KCNAB1: variants seen among roughly 807,000 people sequenced by gnomAD.
The protein encoded by KCNAB1 is potassium voltage-gated channel subfamily A regulatory beta subunit 1.
A neutral mutation model predicts 64.6 loss-of-function variants in KCNAB1; 35 were observed. That is an observed-to-expected ratio of 0.54 (90% CI 0.41 to 0.72). The LOEUF (loss-of-function observed/expected upper bound fraction) is 0.72. Ranked by LOEUF, KCNAB1 falls within the 30% of genes least tolerant of loss-of-function variation. KCNAB1 has a pLI of 0.00. For synonymous variants in KCNAB1, 177 were observed against 183.8 expected, an observed-to-expected ratio of 0.96 and a Z score of 0.30; for missense variants, 401 against 512.9, an observed-to-expected ratio of 0.78 and a Z score of 2.11.
chr3:156,265,496 A>G (rs933780050), intron 1 of KCNAB1, among the ~76,000 whole-genome samples: 2 of 152,030 alleles, frequency 1.3e-5, no homozygotes, highest in Non-Finnish European at 2.9e-5. Context: ...TGATCCTTTC[A>G]TGTGGATTCT....
intron 1 of KCNAB1, among the ~76,000 whole-genome samples, chr3:156,259,797 A>G (rs537279147): frequency 6.6e-6 from 1 of 152,126 alleles, no homozygotes; most frequent in African/African-American, 2.4e-5. Context: ...TGTGACCTCC[A>G]TGATGCTCTG....
At chr3:156,433,732 C>T (rs1357169237) in intron 2 of KCNAB1, among the ~76,000 whole-genome samples, 3 of 152,136 alleles carry the variant, frequency 2.0e-5, no homozygotes. Context: ...GAAAGAAAGC[C>T]ACAGGCATAT....
intron 1 of KCNAB1, among the ~76,000 whole-genome samples, chr3:156,174,767 C>G (rs2108332425): frequency 6.6e-6 from 1 of 152,330 alleles, no homozygotes; most frequent in African/African-American, 2.4e-5. Context: ...AGCCTCCCAT[C>G]AGGAGGCATG....
intron 12 of KCNAB1, among the ~76,000 whole-genome samples, chr3:156,526,201 A>G (rs935877593): frequency 7.9e-5 from 12 of 152,356 alleles, no homozygotes; most frequent in African/African-American, 2.9e-4. Context: ...TATCCCATAT[A>G]GCCTAGATGT....
At chr3:156,238,398 G>C (rs1185293190) in intron 1 of KCNAB1, among the ~76,000 whole-genome samples, 1 of 147,730 alleles carries the variant, frequency 6.8e-6, no homozygotes, top group Admixed American at 6.8e-5. Flanking sequence ...CTCTGGCCTG[G>C]GTGAAAGAGC....
At chr3:156,525,550 C>G (rs1718254940) in intron 12 of KCNAB1, among the ~76,000 whole-genome samples, 1 of 152,240 alleles carries the variant, frequency 6.6e-6, no homozygotes, top group Non-Finnish European at 1.5e-5. Flanking sequence ...CAGTCTCGCT[C>G]TGTCGCCCAG....
intron 1 of KCNAB1, among the ~76,000 whole-genome samples, chr3:156,350,927 G>A (rs1310221588): frequency 6.6e-6 from 1 of 152,264 alleles, no homozygotes; most frequent in Non-Finnish European, 1.5e-5. Flanking sequence ...CAGGGAGTGT[G>A]AGAGCAGGGC....
chr3:156,359,286 A>C (rs1280524290), intron 1 of KCNAB1, among the ~76,000 whole-genome samples: 1 of 151,920 alleles, frequency 6.6e-6, no homozygotes, highest in Non-Finnish European at 1.5e-5. Context: ...TTTTTAGCCC[A>C]TTTCTCCTCT....
rs1721614465 is a variant in KCNAB1 at position 156,307,902 on chromosome 3, A to C, written c.276-113714A>C. 2.6e-5 allele frequency among the ~76,000 whole-genome samples: 4 copies of C among 152,362 alleles called. No homozygotes were observed. In the South Asian group the frequency reaches 8.3e-4, roughly 32 times the overall value. The stretch of plus-strand genomic sequence containing the variant: ...TTGGAGTCAGTTGATTCATTCAATA[A>C]ACATTCCCTAAGCAGGCACTGTGCC... On this transcript the variant is annotated intron_variant, in intron 1 of 13. Transcript: ENST00000490337.
chr3:156,507,665 T>TAAAC (rs909928221), intron 8 of KCNAB1, among the ~76,000 whole-genome samples: 4 of 152,266 alleles, frequency 2.6e-5, no homozygotes, highest in African/African-American at 9.6e-5. Flanking sequence ...GTTAAATAAA[T>TAAAC]AAACAACTTA....
At chr3:156,366,350 G>C (rs1267279721) in intron 1 of KCNAB1, among the ~76,000 whole-genome samples, 3 of 152,200 alleles carry the variant, frequency 2.0e-5, no homozygotes, top group African/African-American at 7.2e-5. Context: ...ATGGCCATTT[G>C]TCATCTGTCT....
chr3:156,328,703 A>G (rs561873303), intron 1 of KCNAB1, among the ~76,000 whole-genome samples: 2 of 152,170 alleles, frequency 1.3e-5, no homozygotes, highest in African/African-American at 2.4e-5. Flanking sequence ...TGATCTCTGT[A>G]GAATTGTTAA....
intron 1 of KCNAB1, among the ~76,000 whole-genome samples, chr3:156,131,332 C>G (rs762147487): frequency 1.2e-4 from 19 of 152,184 alleles, no homozygotes; most frequent in Non-Finnish European, 1.9e-4. Context: ...AGAAAAATCT[C>G]CATTCCATGG....
chr3:156,241,665 A>C (rs1433064789), intron 1 of KCNAB1, among the ~76,000 whole-genome samples: 7 of 152,090 alleles, frequency 4.6e-5, no homozygotes, highest in Non-Finnish European at 8.8e-5. Flanking sequence ...CTCTTCTAGC[A>C]TTTCCCTTCC....
chr3:156,181,202 C>T (rs1045100948), intron 1 of KCNAB1, among the ~76,000 whole-genome samples: 2 of 152,092 alleles, frequency 1.3e-5, no homozygotes, highest in African/African-American at 4.8e-5. Flanking sequence ...GAGGATTAGG[C>T]CTTCAACATA....
chr3:156,449,968 A>T (rs1302001641), intron 2 of KCNAB1, among the ~76,000 whole-genome samples: 2 of 152,232 alleles, frequency 1.3e-5, no homozygotes, highest in African/African-American at 4.8e-5. Context: ...TGACATTAAC[A>T]GTTAAAAAAA....
At chr3:156,286,365 G>A (rs556871975) in intron 1 of KCNAB1, among the ~76,000 whole-genome samples, 3 of 152,286 alleles carry the variant, frequency 2.0e-5, no homozygotes, top group Non-Finnish European at 4.4e-5. Flanking sequence ...CTTGCCATCT[G>A]TATACTCACA....
intron 3 of KCNAB1, among the ~76,000 whole-genome samples, chr3:156,453,627 T>G (rs1467596500): frequency 2.0e-5 from 3 of 152,192 alleles, no homozygotes; most frequent in Admixed American, 2.0e-4. Context: ...AAAGTGATAT[T>G]TTTATCATTT....
chr3:156,280,400 G>A (rs1462909599), intron 1 of KCNAB1, among the ~76,000 whole-genome samples: 5 of 151,728 alleles, frequency 3.3e-5, no homozygotes, highest in Non-Finnish European at 7.4e-5. Context: ...GTCAGGTAGT[G>A]TGATGCCTCC....
Sources: allele counts gnomAD v4.1 joint callset (sites outside exome capture counted in the v4.1 genomes callset), GRCh38; gene constraint gnomAD v4.1.1; transcripts MANE v1.5; gene names NCBI Gene and HGNC (gene_info 2026-07-23, HGNC 2026-07-21).